KCNQ5: variants seen among roughly 807,000 people sequenced by gnomAD.
The protein encoded by KCNQ5 is potassium voltage-gated channel subfamily Q member 5.
A neutral mutation model predicts 98.2 loss-of-function variants in KCNQ5; 30 were observed. That is an observed-to-expected ratio of 0.31 (90% CI 0.23 to 0.41). The LOEUF (loss-of-function observed/expected upper bound fraction) is 0.41. Ranked by LOEUF, KCNQ5 falls within the 10% of genes least tolerant of loss-of-function variation. The pLI, the probability that KCNQ5 is intolerant of heterozygous loss-of-function variation, is 1.00. For synonymous variants in KCNQ5, 458 were observed against 449.4 expected (o/e 1.02, Z -0.24); for missense variants, 835 against 1,182.5 (o/e 0.71, Z 4.31).
intron 9 of KCNQ5, among the ~76,000 whole-genome samples, chr6:73,125,724 C>T (rs1303610028): frequency 2.0e-5 from 3 of 152,134 alleles, no homozygotes; most frequent in South Asian, 4.1e-4. Context: ...TAAATGCATT[C>T]GTCTATGATG....
Position 73,195,198 on chromosome 6 carries a change from C to T in KCNQ5, c.2583C>T (p.Tyr861=), listed in dbSNP as rs899542144. ...GCTCCAGAGGCAGCCAAGATTTTTACCCCAAATGGAGGGAATCCAAATTGT... is the reference window on the plus strand; with the variant it reads ...GCTCCAGAGGCAGCCAAGATTTTTATCCCAAATGGAGGGAATCCAAATTGT... ...SSGSRGSQDF[Y]PKWRESKLFI... is the part of the protein sequence containing the mutation. The change falls in exon 14 of 14, where the codon TAC becomes TAT. Residue 861 remains tyrosine, a synonymous_variant. Transcript: ENST00000370398. 6 of 1,614,048 alleles carry T rather than the reference C, an allele frequency of 3.7e-6. No individual in the cohort carries two copies. Among genetic ancestry groups the T allele is most frequent in the Non-Finnish European group, 5.1e-6 (6 of 1,180,028 alleles).
chr6:73,003,807 T>A, intron 1 of KCNQ5, 101 bp from the exon 2 acceptor site: 1 of 739,040 alleles, frequency 1.4e-6, no homozygotes. Flanking sequence ...TAATGTGTGC[T>A]AATTTAATGG....
chr6:73,197,570 G>A lies in KCNQ5; in HGVS notation c.*2156G>A, dbSNP rs1765831102. On this transcript the variant is annotated 3_prime_UTR_variant, in exon 14 of 14. Coordinates refer to ENST00000370398, the MANE Select transcript of KCNQ5 (RefSeq NM_019842.4). ...CTGAAGTTGTGATTCCCCCTTGCAA[G>A]AATGTTGCATACACACACACACACA... 7.0e-6 allele frequency: 1 copy of A among 142,664 alleles called. No homozygotes were observed. The highest frequency in any genetic ancestry group is 1.5e-5 in the Non-Finnish European group (1 of 66,358). 8.8% of individuals were successfully genotyped at this position (142,664 alleles called of 1,614,324 possible).
At chr6:73,123,124 T>TAA (rs529127166) in intron 8 of KCNQ5, among the ~76,000 whole-genome samples, 1,390 of 132,062 alleles carry the variant, frequency 0.011, 28 homozygotes, top group African/African-American at 0.037. Context: ...GCAGTTGGAG[T>TAA]AAAAAAAAAA....
rs567300608 is a variant in KCNQ5, at chr6:72,917,267, C to A, written c.399-86641C>A. On this transcript the variant is annotated intron_variant, in intron 1 of 13. Coordinates refer to ENST00000370398, the MANE Select transcript of KCNQ5 (RefSeq NM_019842.4). ...ATTAAGCCAGAAAAAAATACCAATA[C>A]TTATTTCACCCTTACTTTCCCTTTT... Among the ~76,000 whole-genome samples the A allele has an allele frequency of 4.7e-4, 72 of 152,256 alleles. 1 individual carries two copies. The highest frequency in any genetic ancestry group is 1.7e-3 in the African/African-American group (71 of 41,550).
chr6:72,759,619 A>G (rs1317285987), intron 1 of KCNQ5, among the ~76,000 whole-genome samples: 2 of 152,144 alleles, frequency 1.3e-5, no homozygotes, highest in African/African-American at 4.8e-5. Context: ...GCACTGTCTC[A>G]GGTTGTGCCC....
intron 5 of KCNQ5, among the ~76,000 whole-genome samples, chr6:73,083,792 A>G (rs1582321934): frequency 6.6e-6 from 1 of 152,236 alleles, no homozygotes; most frequent in Non-Finnish European, 1.5e-5. Flanking sequence ...ACAGAGAATA[A>G]CAAGGCTGTC....
At position 73,195,531 on chromosome 6, in the gene KCNQ5, G is replaced by A. The variant is rs1765763228; in HGVS notation, c.*117G>A. The stretch of plus-strand genomic sequence containing the variant: ...GCAAGAATCGGGAAGAACATGAAAG[G>A]CAGTTTATAAGCCCGTTACCTTTTA... On this transcript the variant is annotated 3_prime_UTR_variant, in exon 14 of 14. Coordinates refer to ENST00000370398, the MANE Select transcript of KCNQ5 (RefSeq NM_019842.4). 3 of 1,326,958 alleles carry A rather than the reference G, an allele frequency of 2.3e-6. No individual in the cohort carries two copies. The highest frequency in any genetic ancestry group is 2.3e-5 in the East Asian group (1 of 43,118). The allele number at this position is 1,326,958 out of a possible 1,614,324, so 82.2% of individuals were successfully genotyped here.
intron 2 of KCNQ5, among the ~76,000 whole-genome samples, chr6:73,026,658 T>C (rs1191142182): frequency 6.6e-6 from 1 of 152,196 alleles, no homozygotes; most frequent in South Asian, 2.1e-4. Context: ...ATGTTTACTC[T>C]GTTCAGTTCT....
intron 1 of KCNQ5, among the ~76,000 whole-genome samples, chr6:72,945,925 C>G (rs919535162): frequency 1.3e-5 from 2 of 152,100 alleles, no homozygotes; most frequent in Non-Finnish European, 2.9e-5. Context: ...ATTCTCATAA[C>G]AACACTGGAA....
At chr6:73,062,533 A>G (rs1772827761) in intron 3 of KCNQ5, among the ~76,000 whole-genome samples, 1 of 152,188 alleles carries the variant, frequency 6.6e-6, no homozygotes, top group African/African-American at 2.4e-5. Context: ...CACAACCCCT[A>G]CACACACAAA....
In KCNQ5 at chr6:72,855,011, A is replaced by G. The variant is rs1262703478; in HGVS notation, c.399-148897A>G. ...TTTAGTGGAACAAGAAGTGCTATAC[A>G]AGCACTCACTCATCAATGACCATTG... On this transcript the variant is annotated intron_variant, in intron 1 of 13. Transcript: ENST00000370398. Among the ~76,000 whole-genome samples, 10 of 152,118 alleles carry G rather than the reference A, an allele frequency of 6.6e-5. No individual in the cohort carries two copies. In the South Asian group the frequency reaches 1.5e-3, roughly 22 times the overall value.
chr6:72,734,676 A>G (rs1770733809), intron 1 of KCNQ5, among the ~76,000 whole-genome samples: 1 of 152,314 alleles, frequency 6.6e-6, no homozygotes, highest in South Asian at 2.1e-4. Context: ...ATAGGCATAT[A>G]AACTTTTATT....
intron 1 of KCNQ5, among the ~76,000 whole-genome samples, chr6:72,708,675 C>G (rs1323150028): frequency 6.6e-6 from 1 of 152,146 alleles, no homozygotes; most frequent in East Asian, 1.9e-4. Flanking sequence ...GCCCACACCA[C>G]CCTGCCCAGC....
chr6:73,079,665 G>T (rs75486429), intron 5 of KCNQ5, among the ~76,000 whole-genome samples: 66 of 152,330 alleles, frequency 4.3e-4, no homozygotes, highest in Middle Eastern at 3.4e-3. Flanking sequence ...AAAGGATTCC[G>T]TTGGTTTAAT....
intron 1 of KCNQ5, among the ~76,000 whole-genome samples, chr6:72,758,983 A>G (rs1046175594): frequency 2.0e-5 from 3 of 152,150 alleles, no homozygotes; most frequent in African/African-American, 7.2e-5. Flanking sequence ...TATTTATGAG[A>G]GAGTCCACTG....
chr6:73,198,835 AAAAAG>A lies in KCNQ5; in HGVS notation c.*3423_*3427del, dbSNP rs1765883443. On this transcript the variant is annotated 3_prime_UTR_variant, in exon 14 of 14. Coordinates refer to ENST00000370398, the MANE Select transcript of KCNQ5 (RefSeq NM_019842.4). ...ATTATTTGTTTTAAAGTAAAACATT[AAAAAG>A]ATGTCTATAAACAGCTAGTGTGACT... The A allele has an allele frequency of 6.6e-6, 1 of 152,266 alleles. No individual in the cohort carries two copies. Among genetic ancestry groups the A allele is most frequent in the Non-Finnish European group, 1.5e-5 (1 of 68,042 alleles). The allele number at this position is 152,266 out of a possible 1,614,324, so 9.4% of individuals were successfully genotyped here.
intron 1 of KCNQ5, among the ~76,000 whole-genome samples, chr6:72,849,454 A>AT (rs555806038): frequency 2.6e-5 from 4 of 151,960 alleles, no homozygotes; most frequent in Non-Finnish European, 4.4e-5. Context: ...AACATCTGTT[A>AT]TTTTTTGTAT....
chr6:72,954,095 G>A (rs529812160), intron 1 of KCNQ5, among the ~76,000 whole-genome samples: 4 of 152,242 alleles, frequency 2.6e-5, no homozygotes, highest in Admixed American at 1.3e-4. Context: ...GCACAACCAC[G>A]TAAGAATATG....
Sources: gnomAD v4.1 joint callset for allele counts (sites outside exome capture counted in the v4.1 genomes callset) on GRCh38, gnomAD v4.1.1 for gene constraint, MANE v1.5 for transcripts, NCBI Gene and HGNC (gene_info 2026-07-23, HGNC 2026-07-21) for gene names.